The following SKAP1 variants were observed in gnomAD, a reference collection of about 807,000 sequenced individuals.
SKAP1 encodes src kinase associated phosphoprotein 1.
SKAP1 carries 44 observed loss-of-function variants against 58.5 expected under a neutral mutation model. The ratio of observed to expected loss-of-function variants is 0.75; its 90% CI spans 0.59 to 0.97. The LOEUF is 0.97. Ranked by LOEUF, SKAP1 falls within the 50% of genes least tolerant of loss-of-function variation. The probability of loss-of-function intolerance (pLI) is 0.00; values close to 1 mark genes in which losing one functional copy is unlikely to be tolerated. For synonymous variants in SKAP1, 127 were observed against 149.7 expected, an observed-to-expected ratio of 0.85 and a Z score of 1.11; for missense variants, 390 against 435.2, an observed-to-expected ratio of 0.90 and a Z score of 0.92.
chr17:48,242,227 A>T (rs1045625575), intron 4 of SKAP1, among the ~76,000 whole-genome samples: 1 of 152,164 alleles, frequency 6.6e-6, no homozygotes, highest in South Asian at 2.1e-4. Flanking sequence ...CTTTAACTGA[A>T]TTAGCTGTAT....
chr17:48,138,342 T>G (rs935198250), intron 11 of SKAP1, among the ~76,000 whole-genome samples: 1 of 151,242 alleles, frequency 6.6e-6, no homozygotes, highest in African/African-American at 2.4e-5. Flanking sequence ...GTAGCTGGGA[T>G]TACAGGTGCG....
intron 10 of SKAP1, among the ~76,000 whole-genome samples, chr17:48,163,331 G>A (rs936023456): frequency 1.3e-5 from 2 of 152,208 alleles, no homozygotes; most frequent in African/African-American, 2.4e-5. Context: ...TTTAGAAGCA[G>A]CTGGAGAGAT....
chr17:48,413,523 A>AAAAAAAAAAAAAAAAAT, intron 1 of SKAP1, among the ~76,000 whole-genome samples: 1 of 105,454 alleles, frequency 9.5e-6, no homozygotes, highest in African/African-American at 4.3e-5. Flanking sequence ...TCAAAAAAAA[A>AAAAAAAAAAAAAAAAAT]ATATATATAT....
At chr17:48,253,647 C>T (rs1292932730) in intron 4 of SKAP1, among the ~76,000 whole-genome samples, 1 of 152,116 alleles carries the variant, frequency 6.6e-6, no homozygotes, top group Non-Finnish European at 1.5e-5. Flanking sequence ...AACCTGGACC[C>T]TGCTGTGTTC....
At chr17:48,348,410 TA>T (rs777859878) in intron 3 of SKAP1, among the ~76,000 whole-genome samples, 23 of 150,836 alleles carry the variant, frequency 1.5e-4, no homozygotes, top group Non-Finnish European at 2.7e-4. Context: ...CTAAGTGTTT[TA>T]AAAAACATGC....
intron 6 of SKAP1, 95 bp from the exon 7 acceptor site, chr17:48,184,942 C>T: frequency 8.0e-7 from 1 of 1,245,612 alleles, no homozygotes; most frequent in Non-Finnish European, 1.1e-6. Context: ...ACAGAAACAG[C>T]TGTTACATCC....
At chr17:48,288,312 G>A (rs1463674688) in intron 4 of SKAP1, among the ~76,000 whole-genome samples, 1 of 152,032 alleles carries the variant, frequency 6.6e-6, no homozygotes, top group African/African-American at 2.4e-5. Context: ...ATATCTTAAG[G>A]GTTTTTTAAG....
At chr17:48,164,692 T>C (rs1012538664) in intron 10 of SKAP1, among the ~76,000 whole-genome samples, 1 of 152,112 alleles carries the variant, frequency 6.6e-6, no homozygotes, top group African/African-American at 2.4e-5. Context: ...ATCCAGGAGA[T>C]GGTTTAGCTC....
Position 48,396,730 on chromosome 17 carries a change from T to C in SKAP1, c.102A>G (p.Ala34=), listed in dbSNP as rs530787668. The C allele has an allele frequency of 1.9e-6, 3 of 1,613,746 alleles. No homozygotes were observed. The highest frequency in any genetic ancestry group is 2.2e-5 in the South Asian group (2 of 91,064). The change falls in exon 2 of 13, where the codon GCA becomes GCG. Residue 34 remains alanine, a synonymous_variant. Coordinates refer to ENST00000336915, the MANE Select transcript of SKAP1 (RefSeq NM_003726.4). Reference sequence around the variant, plus strand: ...GTAGAATATGGTCTCTGTGATCCCTTGCAACAGCGCTGAGGTTCTCATTCC... The same window carrying C: ...GTAGAATATGGTCTCTGTGATCCCTCGCAACAGCGCTGAGGTTCTCATTCC... ...GLRNENLSAV[A]RDHRDHILRG... is the part of the protein sequence containing the mutation.
chr17:48,139,492 T>G (rs965551204), intron 11 of SKAP1, among the ~76,000 whole-genome samples: 6 of 152,158 alleles, frequency 3.9e-5, no homozygotes, highest in Non-Finnish European at 8.8e-5. Flanking sequence ...CGAATGAAAT[T>G]TTAAGTATGG....
rs144043927 is a variant in SKAP1, at chr17:48,136,888, C to T, written c.*7+341G>A. On this transcript the variant is annotated intron_variant, in intron 12 of 12. Transcript: ENST00000336915. ...TTCACTATGTTGGTAAAGCTGGTCT[C>T]GAACTCCTGACCTCAGGTGATCTGC... is the stretch of plus-strand genomic sequence containing the variant. The T allele has an allele frequency of 9.9e-4, 175 of 177,188 alleles. 1 individual carries two copies. In the East Asian group the frequency reaches 0.02, roughly 20 times the overall value. 11.0% of individuals were successfully genotyped at this position (177,188 alleles called of 1,614,324 possible). A position where few individuals can be genotyped will look rare whatever the true frequency, so the allele number is the denominator to read the frequency against.
chr17:48,345,127 G>T (rs966358581), intron 4 of SKAP1, among the ~76,000 whole-genome samples: 1 of 152,160 alleles, frequency 6.6e-6, no homozygotes, highest in African/African-American at 2.4e-5. Flanking sequence ...CTGCTCAGGT[G>T]GCCACATGAC....
At chr17:48,194,341 T>C in intron 4 of SKAP1, among the ~76,000 whole-genome samples, 1 of 152,072 alleles carries the variant, frequency 6.6e-6, no homozygotes, top group Non-Finnish European at 1.5e-5. Context: ...AACGACAGAA[T>C]AGGATTCCAT....
chr17:48,234,172 A>G (rs2065155943), intron 4 of SKAP1, among the ~76,000 whole-genome samples: 1 of 152,244 alleles, frequency 6.6e-6, no homozygotes, highest in South Asian at 2.1e-4. Context: ...AAAAAAAGGC[A>G]CTGGGTGCCA....
chr17:48,395,340 C>A (rs1040194134), intron 2 of SKAP1, among the ~76,000 whole-genome samples: 7 of 152,220 alleles, frequency 4.6e-5, no homozygotes, highest in Middle Eastern at 6.8e-3. Flanking sequence ...CCCACAGCTG[C>A]AGTAAAAGTA....
intron 4 of SKAP1, among the ~76,000 whole-genome samples, chr17:48,274,498 A>G (rs1030516051): frequency 2.0e-5 from 3 of 151,988 alleles, no homozygotes; most frequent in African/African-American, 7.3e-5. Flanking sequence ...GGAGTTTGAG[A>G]CCAGACTCAC....
At chr17:48,332,893 A>G (rs923590455) in intron 4 of SKAP1, among the ~76,000 whole-genome samples, 1 of 152,198 alleles carries the variant, frequency 6.6e-6, no homozygotes, top group Non-Finnish European at 1.5e-5. Context: ...ATGGTCTTAT[A>G]TCACTTGGAC....
At chr17:48,359,678 C>T (rs1325151032) in intron 3 of SKAP1, among the ~76,000 whole-genome samples, 2 of 152,148 alleles carry the variant, frequency 1.3e-5, no homozygotes, top group African/African-American at 4.8e-5. Context: ...GCGATCTCGG[C>T]TCACTGCAGT....
chr17:48,444,241 A>C, the SKAP1 span, among the ~76,000 whole-genome samples: 7 of 152,226 alleles, frequency 4.6e-5, no homozygotes, highest in African/African-American at 1.4e-4. Context: ...TAAAAATACA[A>C]AATTTAGCTG....
Sources: allele counts gnomAD v4.1 joint callset (sites outside exome capture counted in the v4.1 genomes callset), GRCh38; gene constraint gnomAD v4.1.1; transcripts MANE v1.5; gene names NCBI Gene and HGNC (gene_info 2026-07-23, HGNC 2026-07-21).